ZNF827: variants seen among roughly 807,000 people sequenced by gnomAD.
The protein encoded by ZNF827 is zinc finger protein 827.
In ZNF827, 13 loss-of-function variants were observed where a neutral mutation model predicts 102.4. The observed-to-expected ratio is 0.13, with a 90% CI of 0.08 to 0.20. The LOEUF (loss-of-function observed/expected upper bound fraction) is 0.20, where lower values mean the gene tolerates loss of function less well. Among genes scored for constraint, ZNF827 ranks in the 10% least tolerant of loss-of-function variants. ZNF827 has a pLI of 1.00. For synonymous variants in ZNF827, 523 were observed against 536.2 expected, an observed-to-expected ratio of 0.98 and a Z score of 0.34; for missense variants, 1,103 against 1,344.4, an observed-to-expected ratio of 0.82 and a Z score of 2.81.
intron 2 of ZNF827, among the ~76,000 whole-genome samples, chr4:145,900,401 AATT>A (rs1365585936): frequency 5.3e-5 from 8 of 151,908 alleles, no homozygotes; most frequent in Non-Finnish European, 1.2e-4. Flanking sequence ...ACATATATAT[AATT>A]ATTATTTTCT....
At chr4:145,819,141 T>C (rs1742892582) in intron 8 of ZNF827, among the ~76,000 whole-genome samples, 1 of 151,606 alleles carries the variant, frequency 6.6e-6, no homozygotes, top group African/African-American at 2.4e-5. Flanking sequence ...GGGGAAATAA[T>C]GAGGGAAGGG....
rs1174930111 is a variant in ZNF827, at chr4:145,768,858, C to CAAAAAA, written c.2861-3126_2861-3121dup. Among the ~76,000 whole-genome samples, 17 of 4,534 alleles carry CAAAAAA rather than the reference C, an allele frequency of 3.7e-3. 7 individuals carry two copies. Among genetic ancestry groups the CAAAAAA allele is most frequent in the African/African-American group, 4.4e-3 (8 of 1,812 alleles). 3.0% of individuals were successfully genotyped at this position (4,534 alleles called of 152,430 possible). On this transcript the variant is annotated intron_variant, in intron 11 of 14. Coordinates refer to ENST00000508784, the MANE Select transcript of ZNF827 (RefSeq NM_001306215.2). ...TGGGTGACAGAGCAAGACTCCGTCT[C>CAAAAAA]AAAAAAAAAAAAAAAAAAAAAAAAA...
chr4:145,936,655 A>G (rs1230043727), intron 1 of ZNF827, among the ~76,000 whole-genome samples: 1 of 151,336 alleles, frequency 6.6e-6, no homozygotes, highest in Non-Finnish European at 1.5e-5. Flanking sequence ...TCCCCTGGGC[A>G]GGCACCGCCG....
chr4:145,836,008 C>A (rs1298895038), intron 7 of ZNF827, among the ~76,000 whole-genome samples: 2 of 151,330 alleles, frequency 1.3e-5, no homozygotes, highest in Non-Finnish European at 2.9e-5. Context: ...AACATGCTTT[C>A]TTTACTATTC....
intron 5 of ZNF827, among the ~76,000 whole-genome samples, chr4:145,858,167 G>A (rs1464256002): frequency 7.6e-6 from 1 of 131,252 alleles, no homozygotes; most frequent in Non-Finnish European, 1.6e-5. Context: ...GTGTGTGTGT[G>A]TGTGTGCACA....
Position 145,784,897 on chromosome 4 carries a change from AT to A in ZNF827, c.2384-5387del, listed in dbSNP as rs1265691485. On this transcript the variant is annotated intron_variant, in intron 8 of 14. Transcript: ENST00000508784. The stretch of plus-strand genomic sequence containing the variant: ...CATAGGATTTTGTCTCTTATAAAGC[AT>A]TTTATTTCATTTCACACTCTTATAT... Among the ~76,000 whole-genome samples the A allele has an allele frequency of 2.6e-5, 4 of 152,280 alleles. No individual in the cohort carries two copies. In the East Asian group the frequency reaches 7.7e-4, roughly 29 times the overall value.
rs1742515924 is a variant in ZNF827, at chr4:145,815,510, G to A, written c.2383+7912C>T. Among the ~76,000 whole-genome samples, 3 of 152,138 alleles carry A rather than the reference G, an allele frequency of 2.0e-5. No homozygotes were observed. The South Asian group carries it at 6.2e-4, about 32-fold the overall frequency. ...AGAGGCACTCATTTGGCCTAGGTAA[G>A]AGAATACAGAATAGATTTGTTTGAA... On this transcript the variant is annotated intron_variant, in intron 8 of 14. Coordinates refer to ENST00000508784, the MANE Select transcript of ZNF827 (RefSeq NM_001306215.2).
chr4:145,918,274 A>G (rs1229533800), intron 1 of ZNF827, among the ~76,000 whole-genome samples: 5 of 116,284 alleles, frequency 4.3e-5, no homozygotes, highest in Admixed American at 2.4e-4. Flanking sequence ...CTGTCCTTAT[A>G]TTTTGTTGTT....
chr4:145,793,556 T>G (rs932478505), intron 8 of ZNF827, among the ~76,000 whole-genome samples: 1 of 151,626 alleles, frequency 6.6e-6, no homozygotes, highest in East Asian at 1.9e-4. Context: ...CTGCTTTATA[T>G]TTGCTGGCAG....
At chr4:145,932,483 T>C (rs1252181153) in intron 1 of ZNF827, among the ~76,000 whole-genome samples, 2 of 151,996 alleles carry the variant, frequency 1.3e-5, no homozygotes, top group Admixed American at 1.3e-4. Flanking sequence ...GTATTTTTTT[T>C]TTTTTTTTTG....
At chr4:145,850,257 A>T (rs1339046125) in intron 5 of ZNF827, among the ~76,000 whole-genome samples, 1 of 152,076 alleles carries the variant, frequency 6.6e-6, no homozygotes, top group African/African-American at 2.4e-5. Flanking sequence ...TGATGTGCCC[A>T]CTTCGGCCTC....
Position 145,902,870 on chromosome 4 carries a change from C to G in ZNF827, c.389G>C (p.Gly130Ala). 1.2e-6 allele frequency: 2 copies of G among 1,614,142 alleles called. No homozygotes were observed. The highest frequency in any genetic ancestry group is 1.7e-6 in the Non-Finnish European group (2 of 1,180,038). The change falls in exon 2 of 15, where the codon GGT becomes GCT. Residue 130 changes from glycine (G) to alanine (A), a missense_variant. By Grantham distance (60) the Gly-to-Ala change is moderately conservative. Around this residue, in one of 5 missense-constraint regions of ZNF827, gnomAD observed 441 missense variants for 458.6 expected, o/e 0.96. Coordinates refer to ENST00000508784, the MANE Select transcript of ZNF827 (RefSeq NM_001306215.2). The surrounding 1 kb of genome is among the most constrained non-coding windows in gnomAD (Gnocchi z 4.3). ...SSNLRRLLEA[G>A]SLKLDAAATA... ...GGCTGCAGCATCGAGTTTGAGGGAA[C>G]CAGCCTCCAGCAGCCGCCTCAAATT...
intron 4 of ZNF827, among the ~76,000 whole-genome samples, chr4:145,871,970 T>C (rs1316152440): frequency 6.6e-6 from 1 of 152,188 alleles, no homozygotes; most frequent in Non-Finnish European, 1.5e-5. Flanking sequence ...TTCTGGTCTC[T>C]GTATTGTAAC....
At chr4:145,938,320 G>A in intron 1 of ZNF827, 45 bp downstream of exon 1, 2 of 1,611,740 alleles carry the variant, frequency 1.2e-6, no homozygotes, top group South Asian at 1.1e-5. Context: ...AGGAGAGGGA[G>A]GGCGAGAAAA....
At chr4:145,896,432 A>G (rs910783741) in intron 2 of ZNF827, among the ~76,000 whole-genome samples, 17 of 152,302 alleles carry the variant, frequency 1.1e-4, no homozygotes, top group African/African-American at 3.6e-4. Flanking sequence ...AAAGATAGAA[A>G]AGAGTGGAGG....
chr4:145,938,555 A>C lies in ZNF827; in HGVS notation c.-148T>G, dbSNP rs924936093. On this transcript the variant is annotated 5_prime_UTR_variant, in exon 1 of 15. It adds an upstream start codon to the 5' untranslated region. Transcript: ENST00000508784. The stretch of plus-strand genomic sequence containing the variant: ...GGGAAACCCCTTCTCCGGTGTGTGC[A>C]ATGGGTTGAAGCTTGTTTCCTGGAG... 5 of 617,602 alleles carry C rather than the reference A, an allele frequency of 8.1e-6. No homozygotes were observed. The highest frequency in any genetic ancestry group is 3.6e-5 in the African/African-American group (2 of 55,162). The allele number at this position is 617,602 out of a possible 1,614,324, so 38.3% of individuals were successfully genotyped here. A position where few individuals can be genotyped will look rare whatever the true frequency, so the allele number is the denominator to read the frequency against.
chr4:145,761,283 G>A lies in ZNF827; in HGVS notation c.*333C>T, dbSNP rs754875110. Reference sequence around the variant, plus strand: ...CGCAGCTGAAGGTCTGGCGTGGGGCGTGCTTCAGCTTCTTGTGCAGGTTGA... The same window carrying A: ...CGCAGCTGAAGGTCTGGCGTGGGGCATGCTTCAGCTTCTTGTGCAGGTTGA... On this transcript the variant is annotated 3_prime_UTR_variant, in exon 15 of 15. Coordinates refer to ENST00000508784, the MANE Select transcript of ZNF827 (RefSeq NM_001306215.2). This position sits in a 1 kb window ranked among gnomAD's most constrained non-coding sequence, Gnocchi z 6.8. The A allele has an allele frequency of 2.6e-5, 33 of 1,289,822 alleles. 1 individual carries two copies. In the South Asian group the frequency reaches 2.6e-4, roughly 10 times the overall value. The allele number at this position is 1,289,822 out of a possible 1,614,324, so 79.9% of individuals were successfully genotyped here.
At chr4:145,896,173 A>T (rs1389197259) in intron 2 of ZNF827, among the ~76,000 whole-genome samples, 1 of 152,362 alleles carries the variant, frequency 6.6e-6, no homozygotes, top group East Asian at 1.9e-4. Flanking sequence ...AAGAGTAGTG[A>T]CAATAAACAA....
At position 145,762,891 on chromosome 4, in the gene ZNF827, G is replaced by C. The variant is rs575244656; in HGVS notation, c.*17+199C>G. 6.6e-6 allele frequency among the ~76,000 whole-genome samples: 1 copy of C among 152,350 alleles called. No individual in the cohort carries two copies. The highest frequency in any genetic ancestry group is 2.4e-5 in the African/African-American group (1 of 41,576). Reference sequence around the variant, plus strand: ...TTGGCTCCTGCAGGGCAGGGCTCAGGAGTGGACTGTCCTCGGAGGGTCTGG... The same window carrying C: ...TTGGCTCCTGCAGGGCAGGGCTCAGCAGTGGACTGTCCTCGGAGGGTCTGG... On this transcript the variant is annotated intron_variant, in intron 14 of 14. Transcript: ENST00000508784. The surrounding 1 kb of genome is among the most constrained non-coding windows in gnomAD (Gnocchi z 4.9).
Sources: allele counts gnomAD v4.1 joint callset (sites outside exome capture counted in the v4.1 genomes callset), GRCh38; gene constraint gnomAD v4.1.1; regional missense constraint gnomAD v4.1.1; non-coding constraint Gnocchi (gnomAD v3.1); transcripts MANE v1.5; gene names NCBI Gene and HGNC (gene_info 2026-07-23, HGNC 2026-07-21).